The following LPAR1 variants were observed in gnomAD, a reference collection of about 807,000 sequenced individuals.
The protein encoded by LPAR1 is lysophosphatidic acid receptor 1, also known as LPA receptor 1.
In LPAR1, 5 loss-of-function variants were observed where a neutral mutation model predicts 23.8. The observed-to-expected ratio is 0.21, with a 90% CI of 0.11 to 0.44. LPAR1 has a LOEUF of 0.44. Among genes scored for constraint, LPAR1 ranks in the 20% least tolerant of loss-of-function variants. The pLI, the probability that LPAR1 is intolerant of heterozygous loss-of-function variation, is 0.99. For missense variants in LPAR1, 311 were observed against 482.8 expected, an observed-to-expected ratio of 0.64 and a Z score of 3.33; for synonymous variants, 160 against 164.7, an observed-to-expected ratio of 0.97 and a Z score of 0.22.
intron 4 of LPAR1, among the ~76,000 whole-genome samples, chr9:110,966,923 AC>A (rs1274514416): frequency 2.6e-5 from 4 of 152,218 alleles, no homozygotes; most frequent in Admixed American, 2.6e-4. Context: ...CTGATCAAGC[AC>A]AGGGTAATGC....
intron 2 of LPAR1, among the ~76,000 whole-genome samples, chr9:110,984,685 A>T (rs2096743622): frequency 6.6e-6 from 1 of 152,008 alleles, no homozygotes. Context: ...TCATATGACA[A>T]ATCAAAATAA....
At chr9:110,999,577 C>T in intron 2 of LPAR1, 1 of 369,412 alleles carries the variant, frequency 2.7e-6, no homozygotes, top group South Asian at 2.0e-5. Flanking sequence ...GATCTGAAGG[C>T]TGGAAGTCGA....
intron 5 of LPAR1, among the ~76,000 whole-genome samples, chr9:110,929,806 ATTTG>A: frequency 6.6e-6 from 1 of 152,006 alleles, no homozygotes; most frequent in Admixed American, 6.6e-5. Flanking sequence ...AAAAAGAAGT[ATTTG>A]TTTTTTAGTA....
intron 5 of LPAR1, among the ~76,000 whole-genome samples, chr9:110,921,424 T>C (rs1249023018): frequency 1.6e-4 from 24 of 152,216 alleles, no homozygotes. Flanking sequence ...ACGAAATTAC[T>C]GTCAGAAAAA....
At chr9:110,876,170 T>C (rs1311829478) in intron 5 of LPAR1, among the ~76,000 whole-genome samples, 1 of 152,222 alleles carries the variant, frequency 6.6e-6, no homozygotes, top group African/African-American at 2.4e-5. Context: ...AAATCTTTGT[T>C]TGACATGTAA....
rs774662008 is a variant in LPAR1 at position 110,992,688 on chromosome 9, TC to T, written c.-181-19131del. Reference sequence around the variant, plus strand: ...TGAACTACTGGTATGTATAATACTATCTATCACTCTCAAAATAAGCCGAGTA... The same window carrying T: ...TGAACTACTGGTATGTATAATACTATTATCACTCTCAAAATAAGCCGAGTA... On this transcript the variant is annotated intron_variant, in intron 2 of 5. Transcript: ENST00000683809. Among the ~76,000 whole-genome samples, 166 of 152,280 alleles carry T rather than the reference TC, an allele frequency of 1.1e-3. 1 individual carries two copies. The highest frequency in any genetic ancestry group is 2.0e-3 in the Non-Finnish European group (138 of 68,024).
rs572127706 is a variant in LPAR1, at chr9:110,937,863, T to A, written c.793+3558A>T. ...GGAAACTGAGTAATCATTCCCAGAA[T>A]AAATGGAAGTAAAACAAACATATTA... On this transcript the variant is annotated intron_variant, in intron 5 of 5. Transcript: ENST00000683809. Among the ~76,000 whole-genome samples, 9 of 152,324 alleles carry A rather than the reference T, an allele frequency of 5.9e-5. No individual in the cohort carries two copies. In the South Asian group the frequency reaches 1.9e-3, roughly 32 times the overall value.
chr9:110,914,105 C>T (rs2092784110), intron 5 of LPAR1, among the ~76,000 whole-genome samples: 1 of 152,200 alleles, frequency 6.6e-6, no homozygotes, highest in Admixed American at 6.5e-5. Context: ...GCAAGCTCCA[C>T]ACCCAAGAAC....
intron 2 of LPAR1, among the ~76,000 whole-genome samples, chr9:111,031,788 T>C (rs114220418): frequency 0.021 from 3,190 of 151,992 alleles, 107 homozygotes; most frequent in African/African-American, 0.072. Flanking sequence ...AACAGATAAA[T>C]CCTAGCAAAA....
intron 5 of LPAR1, among the ~76,000 whole-genome samples, chr9:110,886,883 G>A (rs2082568686): frequency 1.3e-5 from 2 of 152,144 alleles, no homozygotes; most frequent in African/African-American, 4.8e-5. Context: ...CTTAGAAAGT[G>A]ATACTAAACT....
intron 2 of LPAR1, among the ~76,000 whole-genome samples, chr9:110,988,010 A>C (rs1474969246): frequency 6.6e-6 from 1 of 152,104 alleles, no homozygotes; most frequent in Non-Finnish European, 1.5e-5. Context: ...CCTAGAGAGG[A>C]ACAAGGATAA....
At chr9:110,910,211 G>C (rs1216550534) in intron 5 of LPAR1, among the ~76,000 whole-genome samples, 1 of 152,012 alleles carries the variant, frequency 6.6e-6, no homozygotes, top group Non-Finnish European at 1.5e-5. Context: ...TAAAGCGGCT[G>C]GTGTGTCTTT....
Position 110,942,151 on chromosome 9 carries a change from T to A in LPAR1, c.63A>T (p.Glu21Asp), listed in dbSNP as rs1382669451. The change falls in exon 5 of 6, where the codon GAA becomes GAT. Residue 21 changes from glutamate (E) to aspartate (D), a missense_variant. By Grantham distance (45) the Glu-to-Asp change is conservative (BLOSUM62 2). Around this residue, in one of 2 missense-constraint regions of LPAR1, gnomAD observed 61 missense variants for 55.6 expected, o/e 1.10. Coordinates refer to ENST00000683809, the MANE Select transcript of LPAR1 (RefSeq NM_001351411.2). ...TGGACTCGTTGTAGAAGCACTGTGGTTCATTCATGGCTGTGAACTAAAAGA... is the reference window on the plus strand; with the variant it reads ...TGGACTCGTTGTAGAAGCACTGTGGATCATTCATGGCTGTGAACTAAAAGA... ...ISQPQFTAMN[E>D]PQCFYNESIA... 1 of 1,612,958 alleles carries A rather than the reference T, an allele frequency of 6.2e-7. No individual in the cohort carries two copies. The highest frequency in any genetic ancestry group is 1.7e-5 in the Admixed American group (1 of 59,854).
intron 5 of LPAR1, among the ~76,000 whole-genome samples, chr9:110,916,458 G>T (rs1157360113): frequency 6.6e-6 from 1 of 152,180 alleles, no homozygotes; most frequent in Non-Finnish European, 1.5e-5. Context: ...TTACTTAAAT[G>T]ATTCTGTATA....
chr9:110,892,928 G>A (rs555378899), intron 5 of LPAR1, among the ~76,000 whole-genome samples: 5 of 152,136 alleles, frequency 3.3e-5, no homozygotes, highest in South Asian at 4.2e-4. Context: ...CACCCTTACT[G>A]GGGAAACCCA....
At chr9:111,034,471 A>C (rs2097855917) in intron 2 of LPAR1, among the ~76,000 whole-genome samples, 1 of 152,218 alleles carries the variant, frequency 6.6e-6, no homozygotes, top group African/African-American at 2.4e-5. Context: ...ACATGTTCAA[A>C]AGGCTCCACA....
In LPAR1 at chr9:110,941,944, A is replaced by G. The variant is rs17788474; in HGVS notation, c.270T>C (p.Asn90=). ...CAGCAAAGAAGTCTGCAGCAGCCAGATTAGCCATTAGGTAATAAATAGGAA... is the reference window on the plus strand; with the variant it reads ...CAGCAAAGAAGTCTGCAGCAGCCAGGTTAGCCATTAGGTAATAAATAGGAA... ...FHFPIYYLMA[N]LAAADFFAGL... is the part of the protein sequence containing the mutation. Residue 90 remains asparagine, a synonymous_variant, in exon 5 of 6, where the codon AAT becomes AAC. Coordinates refer to ENST00000683809, the MANE Select transcript of LPAR1 (RefSeq NM_001351411.2). This position sits in a 1 kb window ranked among gnomAD's most constrained non-coding sequence, Gnocchi z 6.1. The G allele has an allele frequency of 0.012, 19,729 of 1,614,176 alleles. 151 individuals carry two copies. Among genetic ancestry groups the G allele is most frequent in the Non-Finnish European group, 0.014 (15,949 of 1,180,014 alleles).
intron 5 of LPAR1, among the ~76,000 whole-genome samples, chr9:110,910,824 A>G (rs1237063825): frequency 6.6e-6 from 1 of 152,238 alleles, no homozygotes; most frequent in Non-Finnish European, 1.5e-5. Context: ...CAAGAGAAAG[A>G]GTCAGAAGTG....
intron 5 of LPAR1, among the ~76,000 whole-genome samples, chr9:110,881,698 G>C (rs770150896): frequency 1.3e-5 from 2 of 152,198 alleles, no homozygotes; most frequent in African/African-American, 2.4e-5. Context: ...AGCCAAGTGA[G>C]CAATACCTTT....
Sources: gnomAD v4.1 joint callset for allele counts (sites outside exome capture counted in the v4.1 genomes callset) on GRCh38, gnomAD v4.1.1 for gene constraint, gnomAD v4.1.1 regional missense constraint, Gnocchi (gnomAD v3.1) non-coding constraint, MANE v1.5 for transcripts, NCBI Gene and HGNC (gene_info 2026-07-23, HGNC 2026-07-21) for gene names.